SGCD: variants seen among roughly 807,000 people sequenced by gnomAD.
The protein encoded by SGCD is delta-sarcoglycan.
Under a neutral mutation model 36.6 loss-of-function variants are expected in SGCD, and 18 were observed. The ratio of observed to expected loss-of-function variants is 0.49; its 90% CI spans 0.34 to 0.73. The LOEUF (loss-of-function observed/expected upper bound fraction) is 0.73. Ranked by LOEUF, SGCD falls within the 30% of genes least tolerant of loss-of-function variation. The pLI is 0.01. For missense variants in SGCD, 387 were observed against 346.7 expected (o/e 1.12, Z -0.92); for synonymous variants, 133 against 130.6 (o/e 1.02, Z -0.12).
At chr5:156,252,153 C>T (rs1329169512) in intron 3 of SGCD, among the ~76,000 whole-genome samples, 6 of 151,846 alleles carry the variant, frequency 4.0e-5, no homozygotes, top group East Asian at 1.9e-4. Flanking sequence ...CATCCACCTC[C>T]GCCTCCCGGG....
intron 3 of SGCD, among the ~76,000 whole-genome samples, chr5:156,186,114 G>A (rs1400787164): frequency 6.6e-6 from 1 of 151,372 alleles, no homozygotes; most frequent in Non-Finnish European, 1.5e-5. Context: ...AACTTTGTGA[G>A]ATTTCCTCTA....
At chr5:155,832,089 A>G in the SGCD span, among the ~76,000 whole-genome samples, 1 of 152,190 alleles carries the variant, frequency 6.6e-6, no homozygotes, top group Non-Finnish European at 1.5e-5. Context: ...TTTATTAGGG[A>G]AAAATCTTAA....
At chr5:156,002,458 A>G (rs966599519) in intron 1 of SGCD, among the ~76,000 whole-genome samples, 1 of 152,224 alleles carries the variant, frequency 6.6e-6, no homozygotes, top group Non-Finnish European at 1.5e-5. Context: ...TGGGTATTCT[A>G]GAGGTTGCAT....
At chr5:155,814,368 A>G in the SGCD span, among the ~76,000 whole-genome samples, 371 of 152,286 alleles carry the variant, frequency 2.4e-3, 1 homozygote, top group African/African-American at 8.6e-3. Context: ...TTATCCTCCA[A>G]CACTGGTTAT....
At chr5:156,299,082 G>GT (rs1482011679) in intron 3 of SGCD, among the ~76,000 whole-genome samples, 7 of 152,168 alleles carry the variant, frequency 4.6e-5, no homozygotes, top group African/African-American at 1.7e-4. Context: ...GGCCTTAAAT[G>GT]TAAGTCACTA....
At chr5:155,804,448 C>A in the SGCD span, among the ~76,000 whole-genome samples, 1 of 152,224 alleles carries the variant, frequency 6.6e-6, no homozygotes, top group African/African-American at 2.4e-5. Context: ...TATGTCCCCC[C>A]ATTTCTGGGT....
intron 2 of SGCD, among the ~76,000 whole-genome samples, chr5:156,341,803 C>G (rs576787398): frequency 1.3e-5 from 2 of 152,172 alleles, no homozygotes; most frequent in African/African-American, 4.8e-5. Flanking sequence ...CTCCGCCTCC[C>G]GGGTTCAAGC....
At chr5:155,973,322 A>T (rs561346254) in intron 1 of SGCD, among the ~76,000 whole-genome samples, 3 of 152,316 alleles carry the variant, frequency 2.0e-5, no homozygotes, top group African/African-American at 7.2e-5. Context: ...GTCCTGAAAG[A>T]TGAATGACTC....
chr5:156,630,771 G>T (rs1301706256), intron 6 of SGCD, among the ~76,000 whole-genome samples: 2 of 152,282 alleles, frequency 1.3e-5, no homozygotes, highest in East Asian at 3.9e-4. Flanking sequence ...ATGAAACAGT[G>T]CTGGATAGTA....
At chr5:156,165,936 A>G (rs11741638) in intron 3 of SGCD, among the ~76,000 whole-genome samples, 49,690 of 152,134 alleles carry the variant, frequency 0.33, 8,732 homozygotes, top group Admixed American at 0.41. Flanking sequence ...AGGAAATAGC[A>G]AAAAGTTTTT....
rs34361546 is a variant in SGCD at position 155,901,378 on chromosome 5, C to T, written c.-282+30954C>T. Among the ~76,000 whole-genome samples, 1,042 of 151,958 alleles carry T rather than the reference C, an allele frequency of 6.9e-3. 8 individuals carry two copies. The highest frequency in any genetic ancestry group is 0.011 in the Non-Finnish European group (724 of 67,964). ...TTCTAAATAGCCAGGAGGATATGCC[C>T]ATCAAAAAGATGCACTATAAATTAA... On this transcript the variant is annotated intron_variant, in intron 1 of 9. Transcript: ENST00000517913.
intron 1 of SGCD, among the ~76,000 whole-genome samples, chr5:155,881,295 A>AAAAATAAATAAATAAATAAATAAAT (rs149504714): frequency 6.9e-6 from 1 of 145,516 alleles, no homozygotes; most frequent in African/African-American, 2.6e-5. Flanking sequence ...ACCTCACCAC[A>AAAAATAAATAAATAAATAAATAAAT]AAATAAATAA....
chr5:156,685,496 C>T (rs1275364460), intron 7 of SGCD, among the ~76,000 whole-genome samples: 1 of 152,082 alleles, frequency 6.6e-6, no homozygotes, highest in African/African-American at 2.4e-5. Flanking sequence ...CTGCAGAGTG[C>T]CATAGAGTAG....
At chr5:155,844,138 A>G in the SGCD span, among the ~76,000 whole-genome samples, 1 of 151,888 alleles carries the variant, frequency 6.6e-6, no homozygotes. Context: ...TCAGCTTGTG[A>G]AGGCCTCACA....
chr5:156,285,860 A>G lies in SGCD; in HGVS notation c.-43-43674A>G, dbSNP rs193073004. ...AAACTAAAGAGCTTCTGCACAGCAAAAGAAACTACCATCAGAGTGAACAGG... is the reference window on the plus strand; with the variant it reads ...AAACTAAAGAGCTTCTGCACAGCAAGAGAAACTACCATCAGAGTGAACAGG... On this transcript the variant is annotated intron_variant, in intron 3 of 9. Transcript: ENST00000517913. Among the ~76,000 whole-genome samples, 522 of 152,338 alleles carry G rather than the reference A, an allele frequency of 3.4e-3. 1 individual carries two copies. Among genetic ancestry groups the G allele is most frequent in the Non-Finnish European group, 5.5e-3 (376 of 68,022 alleles).
intron 7 of SGCD, among the ~76,000 whole-genome samples, chr5:156,685,285 T>A (rs2113692745): frequency 6.6e-6 from 1 of 152,172 alleles, no homozygotes; most frequent in South Asian, 2.1e-4. Context: ...TAGGCTTGTG[T>A]TAAGACAATG....
chr5:156,406,790 T>TATATATATATATA (rs1772432706), intron 3 of SGCD, among the ~76,000 whole-genome samples: 1 of 75,656 alleles, frequency 1.3e-5, no homozygotes, highest in Non-Finnish European at 2.6e-5. Flanking sequence ...ATAGGAGATT[T>TATATATATATATA]TATATATATA....
At chr5:156,334,609 C>CTTTT (rs35767339) in intron 2 of SGCD, among the ~76,000 whole-genome samples, 11,873 of 104,366 alleles carry the variant, frequency 0.11, 353 homozygotes, top group Non-Finnish European at 0.15. Context: ...GGTCTATTTT[C>CTTTT]TTTTTTTTTT....
intron 3 of SGCD, among the ~76,000 whole-genome samples, chr5:156,405,308 C>T (rs980624036): frequency 1.3e-5 from 2 of 152,314 alleles, no homozygotes; most frequent in East Asian, 1.9e-4. Flanking sequence ...TGCCACTAAA[C>T]ATATCATCTT....
Sources: allele counts gnomAD v4.1 joint callset (sites outside exome capture counted in the v4.1 genomes callset), GRCh38; gene constraint gnomAD v4.1.1; transcripts MANE v1.5; gene names NCBI Gene and HGNC (gene_info 2026-07-23, HGNC 2026-07-21).